Variants in GNG2 observed in about 807,000 individuals in gnomAD.
The protein encoded by GNG2 is guanine nucleotide-binding protein G(I)/G(S)/G(O) subunit gamma-2.
In GNG2, 5 loss-of-function variants were observed where a neutral mutation model predicts 5.5. The observed-to-expected ratio is 0.91, with a 90% CI of 0.48 to 1.92. GNG2 has a LOEUF of 1.92. GNG2 is among the 30% of genes most tolerant of loss of function. The probability of loss-of-function intolerance (pLI) is 0.01; values close to 1 mark genes in which losing one functional copy is unlikely to be tolerated. For missense variants in GNG2, 55 were observed against 88.4 expected (o/e 0.62, Z 1.52); for synonymous variants, 28 against 32.0 (o/e 0.88, Z 0.42).
At chr14:51,850,813 C>T (rs1169367909) in intron 2 of GNG2, among the ~76,000 whole-genome samples, 2 of 152,006 alleles carry the variant, frequency 1.3e-5, no homozygotes, top group Admixed American at 1.3e-4. Context: ...GAGGGGGGTG[C>T]CACCCACTTT....
At chr14:51,923,907 G>A (rs142456719) in intron 2 of GNG2, among the ~76,000 whole-genome samples, 133 of 152,260 alleles carry the variant, frequency 8.7e-4, no homozygotes, top group African/African-American at 3.2e-3. Context: ...CTGATCATGC[G>A]GGTCAGCAGG....
upstream of GNG2, among the ~76,000 whole-genome samples, chr14:51,857,888 A>G (rs1882235243): frequency 6.6e-6 from 1 of 152,232 alleles, no homozygotes; most frequent in South Asian, 2.1e-4. Flanking sequence ...GGATTATTAA[A>G]CATAACTCCA....
At chr14:51,850,805 G>T (rs1374432278) in intron 2 of GNG2, among the ~76,000 whole-genome samples, 1 of 151,644 alleles carries the variant, frequency 6.6e-6, no homozygotes, top group African/African-American at 2.4e-5. Context: ...GAGAGTGGGA[G>T]GGGGGTGCCA....
chr14:51,921,407 C>G (rs143494406), intron 2 of GNG2, among the ~76,000 whole-genome samples: 1 of 152,160 alleles, frequency 6.6e-6, no homozygotes, highest in South Asian at 2.1e-4. Flanking sequence ...GCAGAATACT[C>G]GAGACCCTGG....
intron 2 of GNG2, among the ~76,000 whole-genome samples, chr14:51,950,373 G>A (rs756648175): frequency 9.2e-5 from 14 of 152,170 alleles, no homozygotes; most frequent in Non-Finnish European, 1.6e-4. Context: ...AGAAGGATGG[G>A]GTTTGAGCCC....
At chr14:51,963,279 A>G (rs1889716889) in intron 3 of GNG2, among the ~76,000 whole-genome samples, 1 of 152,168 alleles carries the variant, frequency 6.6e-6, no homozygotes, top group Admixed American at 6.5e-5. Flanking sequence ...AAGTTATTAA[A>G]TTTTCCTAGT....
intron 2 of GNG2, among the ~76,000 whole-genome samples, chr14:51,884,611 G>T (rs1884320969): frequency 6.6e-6 from 1 of 152,212 alleles, no homozygotes; most frequent in South Asian, 2.1e-4. Context: ...GGCTCCTGCA[G>T]TAAAGGCTAT....
At chr14:51,835,060 A>T (rs539624498) in intron 2 of GNG2, among the ~76,000 whole-genome samples, 1 of 152,328 alleles carries the variant, frequency 6.6e-6, no homozygotes, top group South Asian at 2.1e-4. Context: ...GGCTCCAGAG[A>T]GTGGCTCAGC....
chr14:51,894,887 C>G (rs1885085325), intron 2 of GNG2, among the ~76,000 whole-genome samples: 1 of 152,052 alleles, frequency 6.6e-6, no homozygotes, highest in Admixed American at 6.6e-5. Context: ...AGATAGCCTT[C>G]TTCATAGTAA....
chr14:51,909,162 A>C (rs1210882649), intron 2 of GNG2, among the ~76,000 whole-genome samples: 2 of 152,180 alleles, frequency 1.3e-5, no homozygotes, highest in Admixed American at 6.5e-5. Flanking sequence ...GTAATATTCC[A>C]TTGAGTGACT....
chr14:51,926,609 G>A (rs905626022), intron 2 of GNG2, among the ~76,000 whole-genome samples: 2 of 152,162 alleles, frequency 1.3e-5, no homozygotes, highest in African/African-American at 2.4e-5. Flanking sequence ...TGCGCACTGG[G>A]CAGAGTGCAC....
intron 1 of GNG2, among the ~76,000 whole-genome samples, chr14:51,866,729 C>T (rs1260842364): frequency 1.3e-5 from 2 of 152,204 alleles, no homozygotes; most frequent in Admixed American, 6.5e-5. Flanking sequence ...GGGCACTAAT[C>T]CCATTCATGG....
At chr14:51,939,543 T>C (rs945498895) in intron 2 of GNG2, among the ~76,000 whole-genome samples, 2 of 152,200 alleles carry the variant, frequency 1.3e-5, no homozygotes, top group African/African-American at 4.8e-5. Context: ...CCACACAGCA[T>C]AGACGGCTCC....
intron 2 of GNG2, among the ~76,000 whole-genome samples, chr14:51,947,289 G>A (rs1030200063): frequency 6.6e-6 from 1 of 152,164 alleles, no homozygotes; most frequent in Non-Finnish European, 1.5e-5. Flanking sequence ...ACATGGCAGA[G>A]AAGAATTAAA....
At chr14:51,874,866 CAT>C (rs1370744189) in intron 1 of GNG2, among the ~76,000 whole-genome samples, 1 of 152,126 alleles carries the variant, frequency 6.6e-6, no homozygotes, top group African/African-American at 2.4e-5. Flanking sequence ...TTTTTCCTCT[CAT>C]ATGTGGAAAG....
intron 1 of GNG2, among the ~76,000 whole-genome samples, chr14:51,863,321 C>T (rs1468970148): frequency 6.6e-6 from 1 of 152,194 alleles, no homozygotes; most frequent in Non-Finnish European, 1.5e-5. Flanking sequence ...TCAGTTTCCT[C>T]ATTGTAAAGA....
chr14:51,966,308 A>G (rs1889916429), intron 3 of GNG2, among the ~76,000 whole-genome samples: 1 of 150,066 alleles, frequency 6.7e-6, no homozygotes. Context: ...CCTGCCAGCG[A>G]GTGCCTCCTT....
intron 2 of GNG2, among the ~76,000 whole-genome samples, chr14:51,895,394 T>G (rs1315700570): frequency 6.6e-6 from 1 of 152,174 alleles, no homozygotes; most frequent in African/African-American, 2.4e-5. Flanking sequence ...AGGTAGACAA[T>G]ATTTCCAGAA....
At chr14:51,904,226 C>T (rs1283624147) in intron 2 of GNG2, among the ~76,000 whole-genome samples, 1 of 152,122 alleles carries the variant, frequency 6.6e-6, no homozygotes, top group African/African-American at 2.4e-5. Flanking sequence ...CTCTGAAAGC[C>T]CAGAGTAGCT....
Sources: gnomAD v4.1 joint callset for allele counts (sites outside exome capture counted in the v4.1 genomes callset) on GRCh38, gnomAD v4.1.1 for gene constraint, MANE v1.5 for transcripts, NCBI Gene and HGNC (gene_info 2026-07-23, HGNC 2026-07-21) for gene names.